The following CYSTM1 variants were observed in gnomAD, a reference collection of about 807,000 sequenced individuals.
The protein encoded by CYSTM1 is cysteine rich transmembrane module containing 1.
CYSTM1 carries 4 observed loss-of-function variants against 13.1 expected under a neutral mutation model. That is an observed-to-expected ratio of 0.31 (90% CI 0.15 to 0.70). The LOEUF is 0.70. CYSTM1 is among the 30% of genes least tolerant of loss of function. CYSTM1 has a pLI of 0.72. For synonymous variants in CYSTM1, 36 were observed against 42.7 expected (o/e 0.84, Z 0.62); for missense variants, 96 against 121.6 (o/e 0.79, Z 0.99).
At chr5:140,225,765 C>T (rs1234477673) in intron 2 of CYSTM1, among the ~76,000 whole-genome samples, 1 of 152,194 alleles carries the variant, frequency 6.6e-6, no homozygotes, top group East Asian at 1.9e-4. Flanking sequence ...CAGTCCCCTC[C>T]CCAGCATTCT....
chr5:140,208,763 G>T (rs1346654924), intron 2 of CYSTM1, among the ~76,000 whole-genome samples: 1 of 152,052 alleles, frequency 6.6e-6, no homozygotes, highest in Non-Finnish European at 1.5e-5. Context: ...TTCTTGGCTG[G>T]GTGTGGTGGC....
intron 2 of CYSTM1, among the ~76,000 whole-genome samples, chr5:140,232,687 G>T (rs1561482008): frequency 6.6e-6 from 1 of 152,198 alleles, no homozygotes; most frequent in South Asian, 2.1e-4. Context: ...AGAAGACAGG[G>T]CTCCTCAGGC....
chr5:140,188,926 T>G (rs1049540391), intron 1 of CYSTM1, among the ~76,000 whole-genome samples: 1 of 152,246 alleles, frequency 6.6e-6, no homozygotes, highest in African/African-American at 2.4e-5. Context: ...AAAATCTTAA[T>G]GTACAACTCA....
chr5:140,177,078 A>AAAAAAAAAAAAAAAAAAAC (rs10679899), intron 1 of CYSTM1, among the ~76,000 whole-genome samples: 1 of 135,542 alleles, frequency 7.4e-6, no homozygotes, highest in Non-Finnish European at 1.6e-5. Flanking sequence ...CAAAAAAAAA[A>AAAAAAAAAAAAAAAAAAAC]AAAAAAAAAT....
intron 1 of CYSTM1, among the ~76,000 whole-genome samples, chr5:140,177,723 G>A (rs1008875945): frequency 1.3e-5 from 2 of 152,122 alleles, no homozygotes; most frequent in Non-Finnish European, 2.9e-5. Context: ...CCTGTTGAGT[G>A]GTAGAGATTA....
chr5:140,195,617 A>G (rs1764146054), intron 2 of CYSTM1, among the ~76,000 whole-genome samples: 3 of 151,258 alleles, frequency 2.0e-5, no homozygotes. Context: ...AATTTTTTGT[A>G]TTTTTAGCAG....
chr5:140,224,993 C>A (rs1428786852), intron 2 of CYSTM1, among the ~76,000 whole-genome samples: 1 of 152,094 alleles, frequency 6.6e-6, no homozygotes, highest in African/African-American at 2.4e-5. Flanking sequence ...CCAGCATGGA[C>A]AACATAGCAA....
intron 2 of CYSTM1, among the ~76,000 whole-genome samples, chr5:140,224,950 G>C (rs1400807794): frequency 6.6e-6 from 1 of 152,188 alleles, no homozygotes; most frequent in African/African-American, 2.4e-5. Flanking sequence ...GGGAAACCAA[G>C]CAGGAGGATG....
At chr5:140,211,634 G>T (rs181217205) in intron 2 of CYSTM1, among the ~76,000 whole-genome samples, 1 of 152,086 alleles carries the variant, frequency 6.6e-6, no homozygotes, top group Admixed American at 6.6e-5. Flanking sequence ...CTGGAACCTC[G>T]TACAGCAAAT....
chr5:140,204,325 A>G (rs1436891745), intron 2 of CYSTM1, among the ~76,000 whole-genome samples: 2 of 152,166 alleles, frequency 1.3e-5, no homozygotes, highest in East Asian at 3.9e-4. Context: ...GTGAACTAGG[A>G]TTGAGCCACT....
At chr5:140,223,617 C>A (rs1489088213) in intron 2 of CYSTM1, among the ~76,000 whole-genome samples, 6 of 152,204 alleles carry the variant, frequency 3.9e-5, no homozygotes, top group Non-Finnish European at 7.3e-5. Context: ...CGGGAGTTTG[C>A]CAGACAGTAG....
chr5:140,191,693 G>T (rs1180170452), intron 1 of CYSTM1, among the ~76,000 whole-genome samples: 1 of 152,144 alleles, frequency 6.6e-6, no homozygotes, highest in Non-Finnish European at 1.5e-5. Context: ...TGGTCTTGTT[G>T]AACTGATCAG....
intron 2 of CYSTM1, among the ~76,000 whole-genome samples, chr5:140,213,491 A>G (rs1390559151): frequency 6.6e-6 from 1 of 152,194 alleles, no homozygotes; most frequent in African/African-American, 2.4e-5. Context: ...TATGGCAGAT[A>G]GTGTAAGTGT....
chr5:140,231,534 A>G (rs1184579361), intron 2 of CYSTM1, among the ~76,000 whole-genome samples: 2 of 152,260 alleles, frequency 1.3e-5, no homozygotes, highest in Non-Finnish European at 2.9e-5. Flanking sequence ...GGAACCAGAC[A>G]TTAAATAAAC....
chr5:140,193,788 A>G (rs1196052497), intron 1 of CYSTM1, among the ~76,000 whole-genome samples: 1 of 152,240 alleles, frequency 6.6e-6, no homozygotes, highest in Non-Finnish European at 1.5e-5. Context: ...TGAGCCCTCC[A>G]GAGTCTCAGG....
At chr5:140,202,885 T>C (rs1169399497) in intron 2 of CYSTM1, 1 of 152,198 alleles carries the variant, frequency 6.6e-6, no homozygotes, top group African/African-American at 2.4e-5. Flanking sequence ...TCCTTGAAGA[T>C]TTGATTAACT....
At chr5:140,195,601 C>G (rs1448512411) in intron 2 of CYSTM1, among the ~76,000 whole-genome samples, 2 of 151,656 alleles carry the variant, frequency 1.3e-5, no homozygotes, top group Non-Finnish European at 2.9e-5. Context: ...GCCACCACGC[C>G]CGGCTAATTT....
chr5:140,179,316 T>G (rs1763930733), intron 1 of CYSTM1, among the ~76,000 whole-genome samples: 1 of 150,932 alleles, frequency 6.6e-6, no homozygotes, highest in Non-Finnish European at 1.5e-5. Context: ...CTCAGCACTT[T>G]GGGAGGCCGA....
intron 1 of CYSTM1, among the ~76,000 whole-genome samples, chr5:140,190,137 T>A (rs1030527649): frequency 6.6e-6 from 1 of 152,236 alleles, no homozygotes; most frequent in Non-Finnish European, 1.5e-5. Flanking sequence ...TGTTTTTCAG[T>A]ATTTATTTTA....
Sources: gnomAD v4.1 joint callset for allele counts (sites outside exome capture counted in the v4.1 genomes callset) on GRCh38, gnomAD v4.1.1 for gene constraint, MANE v1.5 for transcripts, NCBI Gene and HGNC (gene_info 2026-07-23, HGNC 2026-07-21) for gene names.